HERC3: variants seen among roughly 807,000 people sequenced by gnomAD.
HERC3 encodes HECT and RLD domain containing E3 ubiquitin protein ligase 3.
In HERC3, 58 loss-of-function variants were observed where a neutral mutation model predicts 129.9. The ratio of observed to expected loss-of-function variants is 0.45; its 90% CI spans 0.36 to 0.56. HERC3 has a LOEUF of 0.56. Among genes scored for constraint, HERC3 ranks in the 20% least tolerant of loss-of-function variants. The probability of loss-of-function intolerance (pLI) is 0.00; values close to 1 mark genes in which losing one functional copy is unlikely to be tolerated. For missense variants in HERC3, 835 were observed against 1,244.2 expected (o/e 0.67, Z 4.95); for synonymous variants, 430 against 451.0 (o/e 0.95, Z 0.59).
intron 3 of HERC3, among the ~76,000 whole-genome samples, chr4:88,639,402 A>G (rs1459974288): frequency 6.6e-6 from 1 of 151,618 alleles, no homozygotes; most frequent in Non-Finnish European, 1.5e-5. Flanking sequence ...ACTTATAGAC[A>G]ATGGAACAGA....
intron 16 of HERC3, among the ~76,000 whole-genome samples, chr4:88,672,718 C>T (rs1731744552): frequency 6.6e-6 from 1 of 152,202 alleles, no homozygotes. Context: ...ATAGGCCCAG[C>T]ATCCTCTTTT....
chr4:88,555,477 A>G, the HERC3 span, among the ~76,000 whole-genome samples: 2 of 152,072 alleles, frequency 1.3e-5, no homozygotes. Flanking sequence ...TAACATGGAG[A>G]AATTTTGTTT....
At chr4:88,670,118 C>T in intron 15 of HERC3, 21 bp from the exon 16 acceptor site, 2 of 1,603,128 alleles carry the variant, frequency 1.2e-6, no homozygotes, top group Non-Finnish European at 1.7e-6. Context: ...TTTCAGTTGT[C>T]TGTATTTTGT....
At chr4:88,651,247 A>G (rs1267144084) in intron 4 of HERC3, among the ~76,000 whole-genome samples, 1 of 152,226 alleles carries the variant, frequency 6.6e-6, no homozygotes, top group Non-Finnish European at 1.5e-5. Flanking sequence ...CTACAGTAAT[A>G]GCTTAATATT....
chr4:88,550,263 A>C, the HERC3 span, among the ~76,000 whole-genome samples: 1 of 152,146 alleles, frequency 6.6e-6, no homozygotes, highest in Non-Finnish European at 1.5e-5. Flanking sequence ...TATTCAACAT[A>C]GTGTTGGAAG....
chr4:88,706,144 G>T (rs1735760019), intron 25 of HERC3, among the ~76,000 whole-genome samples: 1 of 152,346 alleles, frequency 6.6e-6, no homozygotes, highest in South Asian at 2.1e-4. Flanking sequence ...GGAATGGCAG[G>T]TTATTTGAAA....
the HERC3 span, among the ~76,000 whole-genome samples, chr4:88,537,875 G>A: frequency 3.9e-5 from 6 of 152,232 alleles, no homozygotes; most frequent in Admixed American, 3.9e-4. Context: ...CAGCCCCTCA[G>A]GGATGAAGCT....
At chr4:88,531,163 A>G in the HERC3 span, among the ~76,000 whole-genome samples, 1 of 151,928 alleles carries the variant, frequency 6.6e-6, no homozygotes, top group Non-Finnish European at 1.5e-5. Flanking sequence ...TGGCAGGAAT[A>G]GTATTTTTAA....
chr4:88,614,332 G>T (rs1200897712), intron 3 of HERC3, among the ~76,000 whole-genome samples: 2 of 152,104 alleles, frequency 1.3e-5, no homozygotes, highest in Admixed American at 1.3e-4. Flanking sequence ...GACAGTTTGG[G>T]TTTAATAATC....
the HERC3 span, among the ~76,000 whole-genome samples, chr4:88,570,732 C>T: frequency 1.3e-5 from 2 of 151,554 alleles, no homozygotes; most frequent in South Asian, 2.1e-4. Context: ...TTGCGAGTTA[C>T]GTACTATTAT....
At chr4:88,623,087 T>C (rs1725716719) in intron 3 of HERC3, among the ~76,000 whole-genome samples, 1 of 152,200 alleles carries the variant, frequency 6.6e-6, no homozygotes, top group Admixed American at 6.5e-5. Context: ...ATTATTGATA[T>C]AGTGGGTGCT....
intron 10 of HERC3, among the ~76,000 whole-genome samples, chr4:88,658,715 G>T (rs1344630331): frequency 6.6e-6 from 1 of 152,122 alleles, no homozygotes; most frequent in African/African-American, 2.4e-5. Flanking sequence ...TTTATAATTT[G>T]AAATTATTTA....
chr4:88,607,993 CT>C (rs2149197564), intron 3 of HERC3, among the ~76,000 whole-genome samples: 1 of 152,270 alleles, frequency 6.6e-6, no homozygotes, highest in Admixed American at 6.5e-5. Flanking sequence ...ATTCCAGACA[CT>C]GAAGCTTCAT....
At chr4:88,600,525 C>T (rs752736413) in intron 2 of HERC3, among the ~76,000 whole-genome samples, 14 of 152,220 alleles carry the variant, frequency 9.2e-5, no homozygotes, top group Admixed American at 2.0e-4. Context: ...TTTCTTGACC[C>T]TGTGTAATGT....
intron 4 of HERC3, among the ~76,000 whole-genome samples, chr4:88,651,056 T>C (rs1206468573): frequency 6.6e-6 from 1 of 152,206 alleles, no homozygotes; most frequent in Non-Finnish European, 1.5e-5. Context: ...CAAAAATTAA[T>C]TTAATTTTGT....
At position 88,680,189 on chromosome 4, in the gene HERC3, A is replaced by ATGTT; in HGVS notation, c.2295_2298dup (p.Thr767ValfsTer69). 1.2e-6 allele frequency: 2 copies of ATGTT among 1,612,422 alleles called. No homozygotes were observed. The highest frequency in any genetic ancestry group is 1.7e-6 in the Non-Finnish European group (2 of 1,179,302). ...AGAACTTTTGAATCCCATCTATGGA[A>ATGTT]TGTTTACCTACTATCAAGATTCAAA... On this transcript the variant is annotated frameshift_variant, in exon 20 of 26. Coordinates refer to ENST00000402738, the MANE Select transcript of HERC3 (RefSeq NM_014606.3). LOFTEE classifies it high-confidence loss of function.
chr4:88,690,682 A>T, intron 23 of HERC3: 3 of 806,244 alleles, frequency 3.7e-6, no homozygotes, highest in Non-Finnish European at 4.5e-6. Context: ...CTGCCTTATT[A>T]CTCCTTTTCA....
the HERC3 span, among the ~76,000 whole-genome samples, chr4:88,541,970 A>G: frequency 6.6e-6 from 1 of 152,340 alleles, no homozygotes. Context: ...AATTTATACC[A>G]CTAAGTGCCC....
chr4:88,601,633 GAA>G (rs1386551393), intron 2 of HERC3, among the ~76,000 whole-genome samples: 2 of 152,178 alleles, frequency 1.3e-5, no homozygotes, highest in East Asian at 3.8e-4. Context: ...ATGTACCAAT[GAA>G]AAGATTAGGG....
Sources: gnomAD v4.1 joint callset for allele counts (sites outside exome capture counted in the v4.1 genomes callset) on GRCh38, gnomAD v4.1.1 for gene constraint, MANE v1.5 for transcripts, NCBI Gene and HGNC (gene_info 2026-07-23, HGNC 2026-07-21) for gene names.